Variants in GPHN observed in about 807,000 individuals in gnomAD.
GPHN encodes the protein gephyrin.
A neutral mutation model predicts 95.5 loss-of-function variants in GPHN; 17 were observed. The ratio of observed to expected loss-of-function variants is 0.18; its 90% CI spans 0.12 to 0.27. The LOEUF (loss-of-function observed/expected upper bound fraction) is 0.27, where lower values mean the gene tolerates loss of function less well. Among genes scored for constraint, GPHN ranks in the 10% least tolerant of loss-of-function variants. The probability of loss-of-function intolerance (pLI) is 1.00; values close to 1 mark genes in which losing one functional copy is unlikely to be tolerated. For missense variants in GPHN, 660 were observed against 978.1 expected, an observed-to-expected ratio of 0.67 and a Z score of 4.34; for synonymous variants, 320 against 322.5, an observed-to-expected ratio of 0.99 and a Z score of 0.08.
chr14:67,254,201 T>TTTA, the GPHN span: 221 of 125,196 alleles, frequency 1.8e-3, no homozygotes, highest in African/African-American at 8.1e-3. Context: ...TTTTTTTTTT[T>TTTA]AGATTTTAAG....
At chr14:67,336,377 T>C in the GPHN span, 1 of 186,422 alleles carries the variant, frequency 5.4e-6, no homozygotes, top group African/African-American at 2.4e-5. Flanking sequence ...CAACAAATTA[T>C]GTGTCCATTG....
At chr14:67,191,812 C>T in the GPHN span, among the ~76,000 whole-genome samples, 7 of 152,242 alleles carry the variant, frequency 4.6e-5, no homozygotes, top group South Asian at 6.2e-4. Context: ...CGTTGGTTTC[C>T]GATCTGTAAT....
chr14:66,562,287 G>A (rs1443408953), intron 1 of GPHN, among the ~76,000 whole-genome samples: 1 of 152,050 alleles, frequency 6.6e-6, no homozygotes, highest in Non-Finnish European at 1.5e-5. Flanking sequence ...CTCTAGTATT[G>A]TATACTTGAA....
At chr14:67,222,732 T>C in the GPHN span, among the ~76,000 whole-genome samples, 1 of 152,152 alleles carries the variant, frequency 6.6e-6, no homozygotes, top group African/African-American at 2.4e-5. Context: ...TCTCTCTCTT[T>C]GCTGAGTGCT....
At chr14:67,258,890 A>G in the GPHN span, among the ~76,000 whole-genome samples, 1 of 151,990 alleles carries the variant, frequency 6.6e-6, no homozygotes, top group Non-Finnish European at 1.5e-5. Context: ...TTCCCAGGCT[A>G]GAGTGCAGTG....
chr14:66,541,793 AAAAC>A (rs959646007), intron 1 of GPHN, among the ~76,000 whole-genome samples: 59 of 152,342 alleles, frequency 3.9e-4, no homozygotes, highest in African/African-American at 1.3e-3. Context: ...ATGCCGATGA[AAAAC>A]AAATTCACAG....
chr14:66,824,526 C>A lies in GPHN; in HGVS notation c.254C>A (p.Thr85Asn). 1 of 1,593,428 alleles carries A rather than the reference C, an allele frequency of 6.3e-7. No homozygotes were observed. Among genetic ancestry groups the A allele is most frequent in the Non-Finnish European group, 8.6e-7 (1 of 1,161,348 alleles). ...AAGGAACTTAATTTGATATTAACAA[C>A]TGGAGGAACAGGATTTGCACCACGA... ...DEKELNLILT[T>N]GGTGFAPRDV... is the part of the protein sequence containing the mutation. Residue 85 changes from threonine (T) to asparagine (N), a missense_variant, in exon 4 of 23, where the codon ACT (threonine) becomes AAT (asparagine). Physicochemically the swap from Thr to Asn is moderately conservative, Grantham distance 65. This residue lies in a region of GPHN where 71 missense variants were observed against 130.8 expected (regional missense o/e 0.54). Transcript: ENST00000478722.
chr14:67,470,314 G>C, the GPHN span: 1 of 152,288 alleles, frequency 6.6e-6, no homozygotes, highest in Non-Finnish European at 1.5e-5. Flanking sequence ...ATGTGAAAAG[G>C]AAGAGACAGA....
chr14:66,523,364 A>T (rs755108401), intron 1 of GPHN, among the ~76,000 whole-genome samples: 4 of 152,144 alleles, frequency 2.6e-5, no homozygotes, highest in Admixed American at 6.6e-5. Context: ...GGGTATTTGA[A>T]GTATTACTTT....
At chr14:66,782,487 A>G (rs2059638847) in intron 3 of GPHN, among the ~76,000 whole-genome samples, 1 of 152,042 alleles carries the variant, frequency 6.6e-6, no homozygotes, top group African/African-American at 2.4e-5. Flanking sequence ...GATCCTTCCT[A>G]TTACTACTAA....
chr14:67,221,681 A>G, the GPHN span: 1 of 1,544,550 alleles, frequency 6.5e-7, no homozygotes, highest in South Asian at 1.2e-5. Context: ...CCCACAGAGC[A>G]TTTAAAGAAT....
the GPHN span, chr14:67,662,624 G>A: frequency 8.4e-7 from 1 of 1,187,696 alleles, no homozygotes; most frequent in Non-Finnish European, 1.2e-6. Flanking sequence ...AGCTTCCTAT[G>A]GCAGGGCCTG....
intron 8 of GPHN, among the ~76,000 whole-genome samples, chr14:66,931,184 C>T (rs927011132): frequency 1.3e-5 from 2 of 152,108 alleles, no homozygotes; most frequent in Non-Finnish European, 2.9e-5. Context: ...TCTCTCCCAG[C>T]CTGTAAGGTT....
the GPHN span, among the ~76,000 whole-genome samples, chr14:67,402,893 T>TA: frequency 6.6e-6 from 1 of 152,246 alleles, no homozygotes; most frequent in Non-Finnish European, 1.5e-5. Flanking sequence ...GGTGTGCAGA[T>TA]ATCTCTTCAA....
the GPHN span, among the ~76,000 whole-genome samples, chr14:67,563,577 G>A: frequency 3.3e-5 from 5 of 151,640 alleles, no homozygotes; most frequent in Non-Finnish European, 7.4e-5. Flanking sequence ...GGGATTACAG[G>A]CATGCACCAC....
intron 4 of GPHN, among the ~76,000 whole-genome samples, chr14:66,876,452 A>G (rs2063582187): frequency 6.6e-6 from 1 of 152,188 alleles, no homozygotes; most frequent in African/African-American, 2.4e-5. Context: ...AAATCAGTGA[A>G]TCCAAGAGCT....
the GPHN span, among the ~76,000 whole-genome samples, chr14:67,314,764 G>C: frequency 6.6e-6 from 1 of 152,158 alleles, no homozygotes; most frequent in Non-Finnish European, 1.5e-5. Flanking sequence ...TTTGACGATG[G>C]CTTTCCATCA....
At chr14:67,387,243 CA>C in the GPHN span, 5 of 1,365,350 alleles carry the variant, frequency 3.7e-6, no homozygotes, top group South Asian at 2.8e-5. Flanking sequence ...ACAAAGAAGT[CA>C]AAAGTCTTAA....
At chr14:66,577,704 C>T (rs1370195784) in intron 1 of GPHN, among the ~76,000 whole-genome samples, 1 of 151,806 alleles carries the variant, frequency 6.6e-6, no homozygotes. Context: ...ACTGATTTTT[C>T]AATTTGATTA....
Sources: allele counts gnomAD v4.1 joint callset (sites outside exome capture counted in the v4.1 genomes callset), GRCh38; gene constraint gnomAD v4.1.1; regional missense constraint gnomAD v4.1.1; transcripts MANE v1.5; gene names NCBI Gene and HGNC (gene_info 2026-07-23, HGNC 2026-07-21).